Variants in ABTB3 observed in about 807,000 individuals in gnomAD.
The protein encoded by ABTB3 is ankyrin repeat and BTB domain containing 3.
chr12:107,450,639 C>G, the ABTB3 span, among the ~76,000 whole-genome samples: 1 of 152,124 alleles, frequency 6.6e-6, no homozygotes. Flanking sequence ...AAAAGTCTGT[C>G]CAGGTTTGTC....
chr12:107,563,669 G>A, the ABTB3 span, among the ~76,000 whole-genome samples: 1 of 152,128 alleles, frequency 6.6e-6, no homozygotes, highest in Non-Finnish European at 1.5e-5. Flanking sequence ...GTTATGGAGG[G>A]CTCTTGGAGA....
At chr12:107,410,883 G>C in the ABTB3 span, among the ~76,000 whole-genome samples, 2 of 152,132 alleles carry the variant, frequency 1.3e-5, no homozygotes, top group Non-Finnish European at 2.9e-5. Context: ...GGTGGAATTT[G>C]GGGAGCTTTC....
chr12:107,554,954 TG>T, the ABTB3 span, among the ~76,000 whole-genome samples: 3 of 152,160 alleles, frequency 2.0e-5, no homozygotes, highest in African/African-American at 4.8e-5. Context: ...CCTCAGACTT[TG>T]GGGGCTGGAG....
chr12:107,390,126 T>A, the ABTB3 span, among the ~76,000 whole-genome samples: 1 of 152,094 alleles, frequency 6.6e-6, no homozygotes, highest in Non-Finnish European at 1.5e-5. Context: ...CTGAGAGGGG[T>A]GGTCCATTTG....
the ABTB3 span, among the ~76,000 whole-genome samples, chr12:107,404,856 T>G: frequency 1.3e-5 from 2 of 152,000 alleles, no homozygotes; most frequent in African/African-American, 2.4e-5. Flanking sequence ...ATGCCAGCTG[T>G]GTTGAGACAC....
At chr12:107,369,391 G>GCTT in the ABTB3 span, among the ~76,000 whole-genome samples, 19 of 104,048 alleles carry the variant, frequency 1.8e-4, no homozygotes, top group African/African-American at 8.0e-4. Flanking sequence ...TTCAAACAAG[G>GCTT]GTTTTTTTTT....
At chr12:107,562,568 G>A in the ABTB3 span, among the ~76,000 whole-genome samples, 1 of 152,246 alleles carries the variant, frequency 6.6e-6, no homozygotes, top group Non-Finnish European at 1.5e-5. Flanking sequence ...AAGGTGGGCA[G>A]GGTCAGATCC....
chr12:107,487,926 C>T, the ABTB3 span, among the ~76,000 whole-genome samples: 2 of 151,418 alleles, frequency 1.3e-5, no homozygotes, highest in South Asian at 2.1e-4. Context: ...GAAAGGGGGC[C>T]CGCTTTCAGG....
the ABTB3 span, among the ~76,000 whole-genome samples, chr12:107,595,170 TCAGA>T: frequency 6.6e-6 from 1 of 152,212 alleles, no homozygotes; most frequent in African/African-American, 2.4e-5. Context: ...TGACTGTGAC[TCAGA>T]CAAATTAGTC....
At chr12:107,580,994 T>C in the ABTB3 span, 3 of 1,551,786 alleles carry the variant, frequency 1.9e-6, no homozygotes, top group East Asian at 2.4e-5. Flanking sequence ...CTCCCACTAC[T>C]CTGGAATTCA....
the ABTB3 span, among the ~76,000 whole-genome samples, chr12:107,647,415 G>A: frequency 1.3e-5 from 2 of 152,084 alleles, no homozygotes; most frequent in African/African-American, 2.4e-5. Flanking sequence ...TGAGGTGGGG[G>A]GATTGCTTGA....
chr12:107,441,666 A>T, the ABTB3 span, among the ~76,000 whole-genome samples: 1 of 151,828 alleles, frequency 6.6e-6, no homozygotes, highest in African/African-American at 2.4e-5. Flanking sequence ...GTCCAGACAC[A>T]GTGGCTCACA....
chr12:107,584,312 G>T, the ABTB3 span, among the ~76,000 whole-genome samples: 2 of 152,204 alleles, frequency 1.3e-5, no homozygotes, highest in Non-Finnish European at 2.9e-5. Flanking sequence ...CAACAACTGT[G>T]CAAGACAGCC....
the ABTB3 span, among the ~76,000 whole-genome samples, chr12:107,384,426 G>C: frequency 6.6e-6 from 1 of 152,184 alleles, no homozygotes; most frequent in Non-Finnish European, 1.5e-5. Flanking sequence ...CAGTGGCATT[G>C]GCCCAGAATG....
the ABTB3 span, among the ~76,000 whole-genome samples, chr12:107,639,983 G>A: frequency 6.6e-6 from 1 of 152,184 alleles, no homozygotes; most frequent in African/African-American, 2.4e-5. Flanking sequence ...GGGCAGGGAG[G>A]GCGCTGAGCC....
chr12:107,636,124 A>C, the ABTB3 span, among the ~76,000 whole-genome samples: 1 of 152,082 alleles, frequency 6.6e-6, no homozygotes, highest in South Asian at 2.1e-4. Context: ...GTGAAGCTGG[A>C]ACTTGAACAC....
the ABTB3 span, among the ~76,000 whole-genome samples, chr12:107,640,644 G>T: frequency 2.0e-5 from 3 of 152,210 alleles, no homozygotes; most frequent in African/African-American, 2.4e-5. Flanking sequence ...GCAGAACATG[G>T]ATTGGATTTT....
chr12:107,642,079 T>A, the ABTB3 span: 8 of 1,612,074 alleles, frequency 5.0e-6, no homozygotes, highest in Non-Finnish European at 5.9e-6. Flanking sequence ...CTTTTTTATG[T>A]CCTTGTTCAG....
the ABTB3 span, among the ~76,000 whole-genome samples, chr12:107,420,369 G>A: frequency 1.3e-5 from 2 of 152,062 alleles, no homozygotes; most frequent in Non-Finnish European, 2.9e-5. Flanking sequence ...TTCACATGGC[G>A]GGGGAGGCCT....
Sources: allele counts gnomAD v4.1 joint callset (sites outside exome capture counted in the v4.1 genomes callset), GRCh38; gene constraint gnomAD v4.1.1; transcripts MANE v1.5; gene names NCBI Gene and HGNC (gene_info 2026-07-23, HGNC 2026-07-21).